The following TENM1 variants were observed in gnomAD, a reference collection of about 807,000 sequenced individuals.
The protein encoded by TENM1 is teneurin transmembrane protein 1.
Under a neutral mutation model 174.8 loss-of-function variants are expected in TENM1, and 35 were observed. The ratio of observed to expected loss-of-function variants is 0.20; its 90% CI spans 0.15 to 0.27. TENM1 has a LOEUF of 0.27. TENM1 is among the 10% of genes least tolerant of loss of function. TENM1 has a pLI of 1.00. For synonymous variants in TENM1, 781 were observed against 798.7 expected, an observed-to-expected ratio of 0.98 and a Z score of 0.37; for missense variants, 1,633 against 2,130.1, an observed-to-expected ratio of 0.77 and a Z score of 4.59.
At chrX:124,418,360 C>T (rs752021135) in intron 25 of TENM1, among the ~76,000 whole-genome samples, 1 of 109,386 alleles carries the variant, frequency 9.1e-6, no homozygotes, top group East Asian at 2.9e-4. Flanking sequence ...TACCACCCCC[C>T]ACCCCCCAGA....
chrX:125,170,228 G>GT, the TENM1 span, among the ~76,000 whole-genome samples: 2 of 111,335 alleles, frequency 1.8e-5, no homozygotes, highest in African/African-American at 6.5e-5. Context: ...CAGGCCTTAT[G>GT]TTTTTGAGGG....
chrX:124,603,479 G>T (rs1173532265), intron 11 of TENM1, among the ~76,000 whole-genome samples: 1 of 111,246 alleles, frequency 9.0e-6, no homozygotes, highest in Non-Finnish European at 1.9e-5. Flanking sequence ...TAGAGGTACT[G>T]TTATTAACCT....
chrX:125,191,837 C>T, the TENM1 span, among the ~76,000 whole-genome samples: 1 of 111,727 alleles, frequency 9.0e-6, no homozygotes, highest in Non-Finnish European at 1.9e-5. Flanking sequence ...CCCAATGCAA[C>T]CGTATTAAGA....
Position 124,466,530 on chromosome X carries a change from A to G in TENM1, c.3950-13039T>C, listed in dbSNP as rs533881949. On this transcript the variant is annotated intron_variant, in intron 22 of 31. Coordinates refer to ENST00000422452, the Ensembl canonical transcript of TENM1. ...TGTAAATTGGCTAGTATTTTTTTTTAACATTCAATACATTATTTGAATAAT... is the reference window on the plus strand; with the variant it reads ...TGTAAATTGGCTAGTATTTTTTTTTGACATTCAATACATTATTTGAATAAT... 2.2e-4 allele frequency among the ~76,000 whole-genome samples: 25 copies of G among 111,881 alleles called. No individual in the cohort carries two copies. In the South Asian group the frequency reaches 9.0e-3, roughly 40 times the overall value.
chrX:124,638,674 G>C (rs59097804), intron 11 of TENM1, among the ~76,000 whole-genome samples: 12,174 of 110,385 alleles, frequency 0.11, 1,627 homozygotes, highest in African/African-American at 0.38. Flanking sequence ...ATATTTGTCT[G>C]TAGCTCAGGA....
chrX:124,541,761 A>G (rs184757204), intron 15 of TENM1, among the ~76,000 whole-genome samples: 1 of 112,116 alleles, frequency 8.9e-6, no homozygotes, highest in Non-Finnish European at 1.9e-5. Flanking sequence ...ATCATAGATT[A>G]AAGGTGGCCA....
intron 3 of TENM1, among the ~76,000 whole-genome samples, chrX:124,848,282 T>C (rs1227667698): frequency 1.8e-5 from 2 of 111,003 alleles, no homozygotes; most frequent in Non-Finnish European, 3.8e-5. Context: ...CCAAATTTTT[T>C]AGTGTATCTA....
At chrX:124,662,726 G>A (rs1392744610) in intron 6 of TENM1, among the ~76,000 whole-genome samples, 1 of 111,249 alleles carries the variant, frequency 9.0e-6, no homozygotes, top group Non-Finnish European at 1.9e-5. Flanking sequence ...TGTTTTCCAA[G>A]GTCTGGCGCA....
chrX:125,101,161 GCTAAAT>G, the TENM1 span, among the ~76,000 whole-genome samples: 1 of 112,098 alleles, frequency 8.9e-6, no homozygotes, highest in Non-Finnish European at 1.9e-5. Context: ...AAATATGTTT[GCTAAAT>G]GCCAAGTTAA....
chrX:124,894,879 T>C (rs1306705667), intron 2 of TENM1, among the ~76,000 whole-genome samples: 1 of 111,728 alleles, frequency 9.0e-6, no homozygotes, highest in Admixed American at 9.5e-5. Flanking sequence ...TCAAATATGT[T>C]CCCTTCTCAT....
chrX:124,463,983 G>T (rs1045317034), intron 22 of TENM1, among the ~76,000 whole-genome samples: 1 of 109,580 alleles, frequency 9.1e-6, no homozygotes, highest in African/African-American at 3.3e-5. Flanking sequence ...AAAGATGCCT[G>T]CAGGCTGAGA....
chrX:125,026,879 C>T, the TENM1 span, among the ~76,000 whole-genome samples: 39 of 111,693 alleles, frequency 3.5e-4, no homozygotes, highest in Non-Finnish European at 3.8e-4. Flanking sequence ...CACTTAAAAA[C>T]CTTTTTTAGA....
At chrX:124,778,665 T>A (rs996579182) in intron 3 of TENM1, among the ~76,000 whole-genome samples, 1 of 112,312 alleles carries the variant, frequency 8.9e-6, no homozygotes, top group African/African-American at 3.2e-5. Flanking sequence ...CATCTGTCAA[T>A]GTGAGTAAAT....
At chrX:124,753,653 G>C (rs1273057666) in intron 3 of TENM1, among the ~76,000 whole-genome samples, 49 of 110,451 alleles carry the variant, frequency 4.4e-4, no homozygotes, top group Non-Finnish European at 4.3e-4. Flanking sequence ...ATTATTTTGA[G>C]ATACGTCCCA....
chrX:124,843,730 G>C (rs2056550478), intron 3 of TENM1, among the ~76,000 whole-genome samples: 1 of 111,556 alleles, frequency 9.0e-6, no homozygotes, highest in Admixed American at 9.5e-5. Flanking sequence ...GTCCAAACTT[G>C]TTTGTGTTCT....
At chrX:125,108,574 C>T in the TENM1 span, among the ~76,000 whole-genome samples, 17 of 109,162 alleles carry the variant, frequency 1.6e-4, no homozygotes, top group African/African-American at 3.3e-5. Context: ...TACAAAAATT[C>T]GCTGGGCATG....
At chrX:125,116,276 T>TA in the TENM1 span, among the ~76,000 whole-genome samples, 4 of 111,826 alleles carry the variant, frequency 3.6e-5, no homozygotes, top group Non-Finnish European at 7.5e-5. Context: ...CCTAAACCCA[T>TA]AAAAACCCTA....
chrX:125,185,440 CAA>C, the TENM1 span, among the ~76,000 whole-genome samples: 1 of 111,791 alleles, frequency 8.9e-6, no homozygotes, highest in Non-Finnish European at 1.9e-5. Flanking sequence ...TTTGTTTTTG[CAA>C]AGACTAAAAA....
the TENM1 span, among the ~76,000 whole-genome samples, chrX:125,114,146 T>C: frequency 8.9e-6 from 1 of 111,852 alleles, no homozygotes; most frequent in South Asian, 3.7e-4. Flanking sequence ...CTGAACAACC[T>C]GTTCCTGAAA....
Sources: allele counts gnomAD v4.1 joint callset (sites outside exome capture counted in the v4.1 genomes callset), GRCh38; gene constraint gnomAD v4.1.1; transcripts MANE v1.5; gene names NCBI Gene and HGNC (gene_info 2026-07-23, HGNC 2026-07-21).